The following MPHOSPH10 variants were observed in gnomAD, a reference collection of about 807,000 sequenced individuals.
MPHOSPH10 encodes M-phase phosphoprotein 10.
In MPHOSPH10, 33 loss-of-function variants were observed where a neutral mutation model predicts 77.3. The observed-to-expected ratio is 0.43, with a 90% confidence interval of 0.32 to 0.57. The LOEUF is 0.57. Ranked by LOEUF, MPHOSPH10 falls within the 20% of genes least tolerant of loss-of-function variation. The pLI, the probability that MPHOSPH10 is intolerant of heterozygous loss-of-function variation, is 0.07. For synonymous variants in MPHOSPH10, 245 were observed against 268.0 expected (o/e 0.91, Z 0.84); for missense variants, 708 against 780.1 (o/e 0.91, Z 1.10).
Position 71,141,235 on chromosome 2 carries a change from T to G in MPHOSPH10, c.1312T>G (p.Trp438Gly). The change falls in exon 7 of 11, where the codon TGG becomes GGG. Residue 438 changes from tryptophan (W) to glycine (G), a missense_variant. This residue lies in a region of MPHOSPH10 where 263 missense variants were observed against 320.0 expected (regional missense o/e 0.82). Transcript: ENST00000244230. Reference sequence around the variant, plus strand: ...CTACCTGCACTTTATGTTTCAGGCTTGGGATGATGTAGTACGTAAAGAAAA... The same window carrying G: ...CTACCTGCACTTTATGTTTCAGGCTGGGGATGATGTAGTACGTAAAGAAAA... ...IIKQRIRDQA[W>G]DDVVRKEKPK... is the part of the protein sequence containing the mutation. The G allele has an allele frequency of 1.4e-6, 2 of 1,457,518 alleles. No individual in the cohort carries two copies. Among genetic ancestry groups the G allele is most frequent in the Non-Finnish European group, 1.8e-6 (2 of 1,102,050 alleles). 90.3% of individuals were successfully genotyped at this position (1,457,518 alleles called of 1,614,324 possible). A position where few individuals can be genotyped will look rare whatever the true frequency, so the allele number is the denominator to read the frequency against.
chr2:71,139,328 T>G (rs2103670692), intron 5 of MPHOSPH10: 1 of 157,110 alleles, frequency 6.4e-6, no homozygotes, highest in East Asian at 1.9e-4. Flanking sequence ...TAATGATACC[T>G]AATGTATAGT....
At position 71,138,518 on chromosome 2, in the gene MPHOSPH10, A is replaced by G; in HGVS notation, c.1127A>G (p.Lys376Arg). The part of the protein sequence containing the change: ...KMNEKIASLE[K>R]ELLEKKPWQL... The stretch of plus-strand genomic sequence containing the variant: ...AATGAAAAAATTGCATCTTTAGAAA[A>G]AGAGTTGTTAGAAAAAAAGCCGTGG... The change falls in exon 5 of 11, where the codon AAA (lysine) becomes AGA (arginine). Residue 376 changes from lysine (K) to arginine (R), a missense_variant. Physicochemically the swap from Lys to Arg is conservative, Grantham distance 26 (BLOSUM62 2). Transcript: ENST00000244230. 2 of 1,593,636 alleles carry G rather than the reference A, an allele frequency of 1.3e-6. No individual in the cohort carries two copies. The highest frequency in any genetic ancestry group is 4.5e-5 in the East Asian group (2 of 44,704).
At chr2:71,134,905 G>A (rs990616036) in intron 4 of MPHOSPH10, 108 bp downstream of exon 4, 12 of 895,478 alleles carry the variant, frequency 1.3e-5, no homozygotes, top group Middle Eastern at 7.2e-4. Context: ...AGTGGCTCAC[G>A]CCTGTAATCC....
In MPHOSPH10 at chr2:71,150,092, G is replaced by C; in HGVS notation, c.*77G>C. On this transcript the variant is annotated 3_prime_UTR_variant, in exon 11 of 11. Transcript: ENST00000244230. ...TGTTCTGTTTTATAATAAAATTCTT[G>C]AGAACCTTCCTTTGCATCGATGACA... is the stretch of plus-strand genomic sequence containing the variant. 1 of 871,918 alleles carries C rather than the reference G, an allele frequency of 1.1e-6. No homozygotes were observed. Among genetic ancestry groups the C allele is most frequent in the Non-Finnish European group, 1.6e-6 (1 of 617,522 alleles). The allele number at this position is 871,918 out of a possible 1,614,324, so 54.0% of individuals were successfully genotyped here.
Position 71,147,988 on chromosome 2 carries a change from CTCT to C in MPHOSPH10, c.1558-9_1558-7del. 6.2e-7 allele frequency: 1 copy of C among 1,607,856 alleles called. No individual in the cohort carries two copies. The highest frequency in any genetic ancestry group is 8.5e-7 in the Non-Finnish European group (1 of 1,174,350). ...TCTGGCTTCCCATTGAATGTATTAT[CTCT>C]TTTCTAGCCTGTACCAGAGATTAAA... On this transcript the variant is annotated splice_region_variant and splice_polypyrimidine_tract_variant and intron_variant, in intron 8 of 10. Coordinates refer to ENST00000244230, the MANE Select transcript of MPHOSPH10 (RefSeq NM_005791.3).
At chr2:71,132,148 T>A (rs973164359) in intron 1 of MPHOSPH10, among the ~76,000 whole-genome samples, 6 of 152,244 alleles carry the variant, frequency 3.9e-5, no homozygotes, top group African/African-American at 1.4e-4. Context: ...CTGCTCTAAC[T>A]CCAGTCTAAA....
chr2:71,140,326 A>T (rs1673588008), intron 6 of MPHOSPH10, among the ~76,000 whole-genome samples: 1 of 152,192 alleles, frequency 6.6e-6, no homozygotes, highest in Non-Finnish European at 1.5e-5. Context: ...ACCAGTGGGG[A>T]TTCCGCAGAG....
chr2:71,134,677 A>T lies in MPHOSPH10; in HGVS notation c.978A>T (p.Glu326Asp), dbSNP rs140795709. The T allele has an allele frequency of 1.9e-6, 3 of 1,611,562 alleles. No homozygotes were observed. Among genetic ancestry groups the T allele is most frequent in the Non-Finnish European group, 2.5e-6 (3 of 1,179,188 alleles). Residue 326 changes from glutamate to aspartate, a missense_variant, in exon 4 of 11, where the codon GAA (glutamate) becomes GAT (aspartate). Physicochemically the swap from Glu to Asp is conservative, Grantham distance 45 (BLOSUM62 2). Around this residue, in one of 3 missense-constraint regions of MPHOSPH10, gnomAD observed 433 missense variants for 432.6 expected, o/e 1.00. Transcript: ENST00000244230. ...ATGAAGACAATAAACAACATAAAGA[A>T]AGCTTGAAAAGAGTGACCTTTGCTT... ...QENEDNKQHKESLKRVTFALP... is the reference protein window; with the variant it reads ...QENEDNKQHKDSLKRVTFALP...
At chr2:71,139,963 T>A (rs1673579925) in intron 6 of MPHOSPH10, 101 bp downstream of exon 6, 2 of 855,904 alleles carry the variant, frequency 2.3e-6, no homozygotes, top group Non-Finnish European at 3.7e-6. Context: ...TTATTTTCAC[T>A]TAGTGTTCAC....
At chr2:71,145,402 T>C (rs1673687550) in intron 8 of MPHOSPH10, among the ~76,000 whole-genome samples, 1 of 152,200 alleles carries the variant, frequency 6.6e-6, no homozygotes, top group African/African-American at 2.4e-5. Context: ...AGAGCTAATC[T>C]CCAAGATCCT....
At chr2:71,149,819 T>G in intron 10 of MPHOSPH10, 47 bp from the exon 11 acceptor site, 1 of 1,485,004 alleles carries the variant, frequency 6.7e-7, no homozygotes, top group Non-Finnish European at 8.9e-7. Flanking sequence ...CTTTTTTCAC[T>G]TATAAGTACA....
At chr2:71,143,696 A>G (rs950976279) in intron 7 of MPHOSPH10, among the ~76,000 whole-genome samples, 2 of 152,206 alleles carry the variant, frequency 1.3e-5, no homozygotes, top group Non-Finnish European at 2.9e-5. Context: ...AGTATTTGAT[A>G]TAAATGGAAC....
intron 4 of MPHOSPH10, among the ~76,000 whole-genome samples, chr2:71,135,457 G>C (rs1673469002): frequency 2.0e-5 from 3 of 151,754 alleles, no homozygotes; most frequent in Admixed American, 6.6e-5. Context: ...TGAGGCAGGA[G>C]AATCCCTTGA....
intron 1 of MPHOSPH10, among the ~76,000 whole-genome samples, chr2:71,132,394 C>T (rs1418400174): frequency 6.6e-6 from 1 of 152,156 alleles, no homozygotes; most frequent in East Asian, 1.9e-4. Flanking sequence ...GCCATGGTCA[C>T]CTGTTTGTTT....
At chr2:71,140,862 G>T (rs1673597734) in intron 6 of MPHOSPH10, among the ~76,000 whole-genome samples, 2 of 152,064 alleles carry the variant, frequency 1.3e-5, no homozygotes, top group Non-Finnish European at 2.9e-5. Context: ...CTAACTCAAG[G>T]CTTGACTTTT....
intron 10 of MPHOSPH10, 37 bp from the exon 11 acceptor site, chr2:71,149,829 A>G: frequency 6.0e-6 from 9 of 1,495,738 alleles, no homozygotes; most frequent in Non-Finnish European, 8.0e-6. Flanking sequence ...TTATAAGTAC[A>G]TTTTACAGCA....
intron 9 of MPHOSPH10, chr2:71,148,410 C>CT (rs1251187863): frequency 4.0e-6 from 1 of 251,984 alleles, no homozygotes; most frequent in African/African-American, 2.2e-5. Flanking sequence ...AAACAAATGG[C>CT]TTGCATTGCA....
At chr2:71,134,381 T>C (rs1006581968) in intron 3 of MPHOSPH10, among the ~76,000 whole-genome samples, 6 of 152,208 alleles carry the variant, frequency 3.9e-5, no homozygotes, top group African/African-American at 1.4e-4. Flanking sequence ...AGATAAGAGA[T>C]TTGTATTATA....
chr2:71,138,984 A>G, intron 5 of MPHOSPH10: 1 of 530,710 alleles, frequency 1.9e-6, no homozygotes, highest in South Asian at 2.3e-5. Flanking sequence ...CAGTGAGCCA[A>G]GGTTGTGCCA....
Sources: allele counts gnomAD v4.1 joint callset (sites outside exome capture counted in the v4.1 genomes callset), GRCh38; gene constraint gnomAD v4.1.1; regional missense constraint gnomAD v4.1.1; transcripts MANE v1.5; gene names NCBI Gene and HGNC (gene_info 2026-07-23, HGNC 2026-07-21).